KCNH5: variants seen among roughly 807,000 people sequenced by gnomAD.
The protein encoded by KCNH5 is potassium voltage-gated channel subfamily H member 5.
A neutral mutation model predicts 96.1 loss-of-function variants in KCNH5; 46 were observed. That is an observed-to-expected ratio of 0.48 (90% CI 0.38 to 0.61). The LOEUF is 0.61. Ranked by LOEUF, KCNH5 falls within the 20% of genes least tolerant of loss-of-function variation. KCNH5 has a pLI of 0.00. For missense variants in KCNH5, 907 were observed against 1,225.8 expected, an observed-to-expected ratio of 0.74 and a Z score of 3.88; for synonymous variants, 439 against 449.8, an observed-to-expected ratio of 0.98 and a Z score of 0.30.
At chr14:62,790,993 A>G (rs566680945) in intron 9 of KCNH5, among the ~76,000 whole-genome samples, 27 of 151,794 alleles carry the variant, frequency 1.8e-4, no homozygotes, top group Non-Finnish European at 3.2e-4. Flanking sequence ...TGCCTTTGCT[A>G]GTAATTCCAG....
In KCNH5 at chr14:62,708,333, C is replaced by A; in HGVS notation, c.2142G>T (p.Lys714Asn). 6.2e-7 allele frequency: 1 copy of A among 1,614,136 alleles called. No individual in the cohort carries two copies. The highest frequency in any genetic ancestry group is 8.5e-7 in the Non-Finnish European group (1 of 1,180,036). The change falls in exon 11 of 11, where the codon AAG (lysine) becomes AAT (asparagine). Residue 714 changes from lysine to asparagine, a missense_variant. Physicochemically the swap from Lys to Asn is moderately conservative, Grantham distance 94. Transcript: ENST00000322893. ...CCTGATTCCGCAGCTCCTTCTGCTG[C>A]TTGAACTTCTGGAAGAGCTTTCTGA... ...HPVRKLFQKF[K>N]QQKELRNQGS...
At chr14:62,719,213 A>G (rs1197599805) in intron 10 of KCNH5, among the ~76,000 whole-genome samples, 2 of 152,268 alleles carry the variant, frequency 1.3e-5, no homozygotes, top group African/African-American at 4.8e-5. Flanking sequence ...AATGGGAACT[A>G]TACTTCAATA....
intron 6 of KCNH5, among the ~76,000 whole-genome samples, chr14:62,971,040 A>G (rs1331787625): frequency 6.6e-6 from 1 of 152,114 alleles, no homozygotes; most frequent in East Asian, 1.9e-4. Flanking sequence ...AGGTATACTT[A>G]CTGGGAAGGA....
At chr14:62,820,907 T>C (rs1257642875) in intron 8 of KCNH5, among the ~76,000 whole-genome samples, 2 of 152,080 alleles carry the variant, frequency 1.3e-5, no homozygotes, top group Non-Finnish European at 2.9e-5. Flanking sequence ...TATGCAGTAA[T>C]GGGATTACTG....
At chr14:62,919,243 G>A (rs1228540785) in intron 7 of KCNH5, among the ~76,000 whole-genome samples, 2 of 151,914 alleles carry the variant, frequency 1.3e-5, no homozygotes, top group African/African-American at 4.8e-5. Flanking sequence ...TGTATTTTCT[G>A]TATTGCTTCA....
chr14:62,910,592 A>C (rs1428337959), intron 7 of KCNH5, among the ~76,000 whole-genome samples: 1 of 152,244 alleles, frequency 6.6e-6, no homozygotes. Flanking sequence ...TGGAAAGAAC[A>C]TAAAATAGAC....
intron 7 of KCNH5, among the ~76,000 whole-genome samples, chr14:62,900,070 T>G (rs1357352832): frequency 6.6e-6 from 1 of 152,202 alleles, no homozygotes; most frequent in Non-Finnish European, 1.5e-5. Flanking sequence ...ATTCTCCATG[T>G]TTCAGTCTGC....
intron 10 of KCNH5, among the ~76,000 whole-genome samples, chr14:62,751,062 T>C (rs571840048): frequency 1.3e-5 from 2 of 152,264 alleles, no homozygotes; most frequent in South Asian, 2.1e-4. Flanking sequence ...GATTCAAAGT[T>C]TGGCATACTT....
intron 10 of KCNH5, among the ~76,000 whole-genome samples, chr14:62,776,441 G>T (rs1200113210): frequency 1.3e-5 from 2 of 152,084 alleles, no homozygotes; most frequent in Non-Finnish European, 2.9e-5. Context: ...CCTCACCAGG[G>T]AACCAAACTG....
intron 10 of KCNH5, among the ~76,000 whole-genome samples, chr14:62,745,032 G>A (rs181996736): frequency 1.8e-4 from 27 of 152,252 alleles, no homozygotes; most frequent in Middle Eastern, 3.4e-3. Context: ...CAATTCAGAC[G>A]GTGCCCTCTA....
intron 3 of KCNH5, among the ~76,000 whole-genome samples, chr14:63,003,624 A>ATATATATATATTTTT (rs1491457497): frequency 5.4e-5 from 5 of 92,808 alleles, no homozygotes; most frequent in African/African-American, 2.4e-4. Flanking sequence ...ATATATATAT[A>ATATATATATATTTTT]TTTTTTTTTT....
At chr14:62,989,510 C>T (rs1029513352) in intron 4 of KCNH5, among the ~76,000 whole-genome samples, 6 of 151,990 alleles carry the variant, frequency 3.9e-5, no homozygotes, top group African/African-American at 1.2e-4. Flanking sequence ...CTTTTCCCTC[C>T]CCCATCTTTC....
At chr14:62,918,743 T>C (rs1035336754) in intron 7 of KCNH5, among the ~76,000 whole-genome samples, 2 of 152,008 alleles carry the variant, frequency 1.3e-5, no homozygotes, top group South Asian at 2.1e-4. Context: ...ATAAGAGAAA[T>C]GGACACACTC....
intron 9 of KCNH5, among the ~76,000 whole-genome samples, chr14:62,789,719 T>C (rs1407829017): frequency 6.6e-6 from 1 of 151,978 alleles, no homozygotes; most frequent in Admixed American, 6.6e-5. Context: ...TGGTTATTTT[T>C]ATGTTTTATT....
chr14:62,849,149 AAAGTGGAAAATAAAGACT>A (rs1453961366), intron 8 of KCNH5, among the ~76,000 whole-genome samples: 1 of 152,226 alleles, frequency 6.6e-6, no homozygotes, highest in Admixed American at 6.5e-5. Context: ...TGTGTAAGGT[AAAGTGGAAAATAAAGACT>A]TATAAGTTCT....
Position 63,045,114 on chromosome 14 carries a change from C to T in KCNH5, c.73G>A (p.Glu25Lys), listed in dbSNP as rs780845188. The change falls in exon 1 of 11, where the codon GAA becomes AAA. Residue 25 changes from glutamate to lysine, a missense_variant and splice_region_variant. Coordinates refer to ENST00000322893, the MANE Select transcript of KCNH5 (RefSeq NM_139318.5). ...FLENIVRRSS[E>K]SSFLLGNAQI... ...TGTTCTGAACTACAACTCTCCTTAC[C>T]ACTGGAGCGCCTGACGATGTTCTCC... The T allele has an allele frequency of 3.7e-6, 6 of 1,613,040 alleles. No homozygotes were observed. Among genetic ancestry groups the T allele is most frequent in the Non-Finnish European group, 5.1e-6 (6 of 1,179,332 alleles).
intron 1 of KCNH5, among the ~76,000 whole-genome samples, chr14:63,030,688 G>C (rs945448742): frequency 6.6e-6 from 1 of 152,128 alleles, no homozygotes; most frequent in Non-Finnish European, 1.5e-5. Flanking sequence ...AAGTCTTTCA[G>C]GTAGTTTTAA....
At chr14:63,039,035 G>A (rs1450261843) in intron 1 of KCNH5, among the ~76,000 whole-genome samples, 2 of 151,896 alleles carry the variant, frequency 1.3e-5, no homozygotes, top group African/African-American at 4.8e-5. Flanking sequence ...CACTGGTTTT[G>A]GATTGTGATT....
At chr14:62,785,501 G>C (rs544134326) in intron 9 of KCNH5, among the ~76,000 whole-genome samples, 11 of 152,172 alleles carry the variant, frequency 7.2e-5, no homozygotes, top group East Asian at 1.9e-4. Flanking sequence ...GGTACAAGTA[G>C]TCTCTGCTAT....
Sources: gnomAD v4.1 joint callset for allele counts (sites outside exome capture counted in the v4.1 genomes callset) on GRCh38, gnomAD v4.1.1 for gene constraint, MANE v1.5 for transcripts, NCBI Gene and HGNC (gene_info 2026-07-23, HGNC 2026-07-21) for gene names.